The following DOCK11 variants were observed in gnomAD, a reference collection of about 807,000 sequenced individuals.
DOCK11 encodes dedicator of cytokinesis protein 11.
Under a neutral mutation model 169.1 loss-of-function variants are expected in DOCK11, and 70 were observed. The ratio of observed to expected loss-of-function variants is 0.41; its 90% CI spans 0.34 to 0.51. DOCK11 has a LOEUF of 0.51. DOCK11 is among the 20% of genes least tolerant of loss of function. The probability of loss-of-function intolerance (pLI) is 0.10; values close to 1 mark genes in which losing one functional copy is unlikely to be tolerated. For synonymous variants in DOCK11, 529 were observed against 541.3 expected (o/e 0.98, Z 0.32); for missense variants, 1,166 against 1,538.8 (o/e 0.76, Z 4.05).
chrX:118,598,063 G>A lies in DOCK11; in HGVS notation c.2419G>A (p.Ala807Thr), dbSNP rs769459635. ...CGTGGATATTAAATGGGTAGATGGT[G>A]CAAAGCCTTTGTTGAAGATTAAAAG... ...CNVDIKWVDG[A>T]KPLLKIKSHL... The change falls in exon 22 of 53, where the codon GCA becomes ACA. Residue 807 changes from alanine (A) to threonine (T), a missense_variant. Physicochemically the swap from Ala to Thr is moderately conservative, Grantham distance 58 (BLOSUM62 0). Coordinates refer to ENST00000276202, the MANE Select transcript of DOCK11 (RefSeq NM_144658.4). 8.3e-7 allele frequency: 1 copy of A among 1,198,550 alleles called. No individual in the cohort carries two copies. Among genetic ancestry groups the A allele is most frequent in the East Asian group, 3.0e-5 (1 of 33,636 alleles).
chrX:118,510,935 T>C lies in DOCK11; in HGVS notation c.102+14862T>C, dbSNP rs750470088. Among the ~76,000 whole-genome samples, 5 of 112,256 alleles carry C rather than the reference T, an allele frequency of 4.5e-5. No homozygotes were observed. The Admixed American group carries it at 4.7e-4, about 11-fold the overall frequency. On this transcript the variant is annotated intron_variant, in intron 1 of 52. Transcript: ENST00000276202. ...ATGGAAACTTCCCCTCTCTACCACA[T>C]CTAGTCACTGCCATCTTAGAGACAC...
chrX:118,524,612 C>T (rs763692123), intron 1 of DOCK11, among the ~76,000 whole-genome samples: 1 of 110,969 alleles, frequency 9.0e-6, no homozygotes, highest in South Asian at 3.8e-4. Flanking sequence ...AACAAATGGC[C>T]AATAAGCACG....
intron 10 of DOCK11, among the ~76,000 whole-genome samples, chrX:118,570,369 AAC>A (rs1221899385): frequency 8.9e-6 from 1 of 112,321 alleles, no homozygotes; most frequent in Non-Finnish European, 1.9e-5. Flanking sequence ...CTGTCTGAGT[AAC>A]ACAGAAAGGA....
Position 118,571,226 on chromosome X carries a change from A to G in DOCK11, c.1036-1097A>G, listed in dbSNP as rs190037047. ...ACTACCGTCACCACAAACACAACAC[A>G]TCCCATACTGAACTCACCATTTCTA... On this transcript the variant is annotated intron_variant, in intron 10 of 52. Transcript: ENST00000276202. Among the ~76,000 whole-genome samples, 88 of 111,479 alleles carry G rather than the reference A, an allele frequency of 7.9e-4. 1 individual carries two copies. The highest frequency in any genetic ancestry group is 2.6e-3 in the African/African-American group (80 of 30,665).
intron 36 of DOCK11, among the ~76,000 whole-genome samples, chrX:118,636,830 C>T (rs1447841480): frequency 1.3e-4 from 10 of 79,278 alleles, no homozygotes; most frequent in Non-Finnish European, 1.3e-4. Context: ...TTTGTGTGTA[C>T]ACACACACAC....
At chrX:118,639,617 A>G (rs1391087002) in intron 38 of DOCK11, 40 bp downstream of exon 38, 7 of 1,170,091 alleles carry the variant, frequency 6.0e-6, no homozygotes, top group East Asian at 3.0e-5. Context: ...TTGACCTTAA[A>G]GAAGTCCTGG....
chrX:118,647,498 A>T (rs867275406), intron 40 of DOCK11, among the ~76,000 whole-genome samples: 138 of 71,731 alleles, frequency 1.9e-3, no homozygotes, highest in South Asian at 9.3e-3. Flanking sequence ...ATTATTATAT[A>T]ATATATTATA....
chrX:118,672,465 C>A (rs2016500174), intron 46 of DOCK11, among the ~76,000 whole-genome samples: 1 of 112,455 alleles, frequency 8.9e-6, no homozygotes, highest in Non-Finnish European at 1.9e-5. Context: ...CGGAGTCTTG[C>A]TCTTTGGCCC....
At chrX:118,609,902 T>C (rs765178604) in intron 27 of DOCK11, among the ~76,000 whole-genome samples, 7 of 112,555 alleles carry the variant, frequency 6.2e-5, no homozygotes, top group African/African-American at 2.3e-4. Context: ...ACTTAATTAT[T>C]TTTTATCAGA....
chrX:118,496,169 C>A, intron 1 of DOCK11, 96 bp downstream of exon 1: 1 of 584,724 alleles, frequency 1.7e-6, no homozygotes, highest in Non-Finnish European at 2.2e-6. Flanking sequence ...CCGCTTGGTG[C>A]GCCGCGCGCT....
At position 118,651,961 on chromosome X, in the gene DOCK11, CAG is replaced by C; in HGVS notation, c.4582-1_4582del. 1 of 1,162,882 alleles carries C rather than the reference CAG, an allele frequency of 8.6e-7. No homozygotes were observed. The highest frequency in any genetic ancestry group is 1.2e-6 in the Non-Finnish European group (1 of 858,122). Reference sequence around the variant, plus strand: ...GGAAAATAATATTTACTTCTTCCCACAGATAATAATTGCTGTAAGCCAACTGA... The same window carrying C: ...GGAAAATAATATTTACTTCTTCCCACATAATAATTGCTGTAAGCCAACTGA... On this transcript the variant is annotated splice_acceptor_variant, in intron 41 of 52. Transcript: ENST00000276202. LOFTEE classifies it high-confidence loss of function.
rs747420579 is a variant in DOCK11 at position 118,608,180 on chromosome X, A to G, written c.2751+39A>G. On this transcript the variant is annotated intron_variant, in intron 25 of 52. Coordinates refer to ENST00000276202, the MANE Select transcript of DOCK11 (RefSeq NM_144658.4). ...AGTTTCTTTCTGAGCAATTTGTTTT[A>G]TGTGACAATTTTGTCTTACAGTTCA... The G allele has an allele frequency of 1.3e-5, 16 of 1,190,986 alleles. No homozygotes were observed. The South Asian group carries it at 1.9e-4, about 14-fold the overall frequency.
chrX:118,624,753 A>AATT, intron 32 of DOCK11, 98 bp downstream of exon 32: 3 of 309,176 alleles, frequency 9.7e-6, no homozygotes, highest in Non-Finnish European at 1.6e-5. Context: ...TTAAGAGTTC[A>AATT]CTTTTTTTTT....
intron 1 of DOCK11, among the ~76,000 whole-genome samples, chrX:118,526,922 C>G (rs1438033717): frequency 8.9e-6 from 1 of 111,963 alleles, no homozygotes; most frequent in Non-Finnish European, 1.9e-5. Flanking sequence ...ATGTAAGCAG[C>G]AGTGAAGTAA....
chrX:118,592,497 G>T (rs772894999), intron 19 of DOCK11, among the ~76,000 whole-genome samples: 1 of 112,401 alleles, frequency 8.9e-6, no homozygotes, highest in South Asian at 3.6e-4. Flanking sequence ...GAGACAGAGA[G>T]AATATTTGCA....
At chrX:118,632,433 A>G (rs761043295) in intron 35 of DOCK11, 1 of 112,262 alleles carries the variant, frequency 8.9e-6, no homozygotes, top group Admixed American at 9.4e-5. Flanking sequence ...TATACAGTCT[A>G]TGTCACATCT....
At chrX:118,526,056 C>T (rs781332570) in intron 1 of DOCK11, among the ~76,000 whole-genome samples, 19 of 111,886 alleles carry the variant, frequency 1.7e-4, no homozygotes, top group Non-Finnish European at 2.4e-4. Flanking sequence ...TGAAAAACAT[C>T]GCTTCCCTGC....
At chrX:118,534,084 T>C (rs1410924721) in intron 1 of DOCK11, among the ~76,000 whole-genome samples, 1 of 112,393 alleles carries the variant, frequency 8.9e-6, no homozygotes, top group Non-Finnish European at 1.9e-5. Context: ...TCTCAATTAT[T>C]CAAGCCCTTC....
intron 7 of DOCK11, among the ~76,000 whole-genome samples, chrX:118,563,456 C>T (rs773083012): frequency 1.9e-4 from 21 of 109,910 alleles, no homozygotes; most frequent in South Asian, 3.8e-4. Flanking sequence ...GATCTCATCT[C>T]TAAAAAGATA....
Sources: gnomAD v4.1 joint callset for allele counts (sites outside exome capture counted in the v4.1 genomes callset) on GRCh38, gnomAD v4.1.1 for gene constraint, MANE v1.5 for transcripts, NCBI Gene and HGNC (gene_info 2026-07-23, HGNC 2026-07-21) for gene names.